The following RGL1 variants were observed in gnomAD, a reference collection of about 807,000 sequenced individuals.
RGL1 encodes the protein ral guanine nucleotide dissociation stimulator like 1.
A neutral mutation model predicts 95.2 loss-of-function variants in RGL1; 24 were observed. The ratio of observed to expected loss-of-function variants is 0.25; its 90% CI spans 0.18 to 0.35. The LOEUF (loss-of-function observed/expected upper bound fraction) is 0.35. RGL1 is among the 10% of genes least tolerant of loss of function. The pLI, the probability that RGL1 is intolerant of heterozygous loss-of-function variation, is 1.00. For synonymous variants in RGL1, 329 were observed against 344.9 expected, an observed-to-expected ratio of 0.95 and a Z score of 0.51; for missense variants, 715 against 936.3, an observed-to-expected ratio of 0.76 and a Z score of 3.08.
Position 183,916,489 on chromosome 1 carries a change from G to C in RGL1, c.1792G>C (p.Asp598His). The change falls in exon 16 of 18, where the codon GAC becomes CAC. Residue 598 changes from aspartate (D) to histidine (H), a missense_variant. By Grantham distance (81) the Asp-to-His change is moderately conservative. Coordinates refer to ENST00000360851, the MANE Select transcript of RGL1 (RefSeq NM_001297671.3). ...ATCCTGTTCTTCTATCCATTCCATG[G>C]ACACAAATTCCTCAGGGATGTCTTC... ...SSSCSSIHSMDTNSSGMSSLI... is the reference protein window; with the variant it reads ...SSSCSSIHSMHTNSSGMSSLI... 1 of 1,613,564 alleles carries C rather than the reference G, an allele frequency of 6.2e-7. No homozygotes were observed. The highest frequency in any genetic ancestry group is 8.5e-7 in the Non-Finnish European group (1 of 1,179,990).
At chr1:183,893,062 C>T (rs1315921035) in intron 9 of RGL1, among the ~76,000 whole-genome samples, 1 of 152,148 alleles carries the variant, frequency 6.6e-6, no homozygotes, top group African/African-American at 2.4e-5. Context: ...TTCTTCTGAC[C>T]TTTTTGGAGT....
At chr1:183,804,636 G>A (rs1661168486), upstream of RGL1, among the ~76,000 whole-genome samples, 1 of 152,212 alleles carries the variant, frequency 6.6e-6, no homozygotes. Flanking sequence ...GCGATTTCCT[G>A]TTGGCAGTGT....
chr1:183,750,160 A>T (rs545553513), intron 2 of RGL1, among the ~76,000 whole-genome samples: 120 of 152,328 alleles, frequency 7.9e-4, no homozygotes, highest in Non-Finnish European at 1.6e-3. Context: ...GTGTTTTCCA[A>T]CTTGGTTCCA....
At chr1:183,648,423 A>C (rs1425412117) in intron 1 of RGL1, 1 of 1,614,244 alleles carries the variant, frequency 6.2e-7, no homozygotes, top group Non-Finnish European at 8.5e-7. Context: ...GTTGGAATAC[A>C]GAATGATATG....
intron 1 of RGL1, among the ~76,000 whole-genome samples, chr1:183,643,791 A>G (rs1273614095): frequency 6.6e-6 from 1 of 152,098 alleles, no homozygotes; most frequent in Non-Finnish European, 1.5e-5. Flanking sequence ...TTGCCTGATG[A>G]TATATTAATT....
At chr1:183,923,714 G>A (rs1300549593) in intron 17 of RGL1, among the ~76,000 whole-genome samples, 1 of 152,280 alleles carries the variant, frequency 6.6e-6, no homozygotes, top group Non-Finnish European at 1.5e-5. Context: ...TGAACATGGG[G>A]AGACACTAAG....
At chr1:183,717,736 G>A (rs1012097450) in intron 1 of RGL1, among the ~76,000 whole-genome samples, 7 of 152,302 alleles carry the variant, frequency 4.6e-5, no homozygotes, top group Middle Eastern at 3.4e-3. Flanking sequence ...AGTGGAGGAG[G>A]CATAAACAAG....
At chr1:183,909,378 G>T (rs767591131) in intron 14 of RGL1, among the ~76,000 whole-genome samples, 1 of 152,148 alleles carries the variant, frequency 6.6e-6, no homozygotes, top group Non-Finnish European at 1.5e-5. Context: ...CCTTCACAAC[G>T]CAGGACAAAG....
chr1:183,737,674 C>A (rs902974998), intron 1 of RGL1, among the ~76,000 whole-genome samples: 1 of 151,832 alleles, frequency 6.6e-6, no homozygotes, highest in African/African-American at 2.4e-5. Flanking sequence ...TCCCACCTGT[C>A]TTCCCTGTTT....
chr1:183,800,356 T>C (rs577112199), upstream of RGL1, among the ~76,000 whole-genome samples: 4 of 152,340 alleles, frequency 2.6e-5, no homozygotes, highest in Non-Finnish European at 1.5e-5. Flanking sequence ...CATTTGCTCT[T>C]TATCTATTGG....
chr1:183,829,041 G>T (rs1377311436), intron 2 of RGL1, among the ~76,000 whole-genome samples: 1 of 152,150 alleles, frequency 6.6e-6, no homozygotes, highest in African/African-American at 2.4e-5. Flanking sequence ...ATCAATGCTT[G>T]TTATAATAAC....
chr1:183,638,949 T>C (rs991358069), intron 1 of RGL1, among the ~76,000 whole-genome samples: 3 of 152,210 alleles, frequency 2.0e-5, no homozygotes, highest in Non-Finnish European at 2.9e-5. Flanking sequence ...TGTGCTTCTC[T>C]TCTCCAAACT....
intron 3 of RGL1, among the ~76,000 whole-genome samples, chr1:183,854,824 A>G (rs55684278): frequency 0.022 from 3,337 of 152,254 alleles, 138 homozygotes; most frequent in African/African-American, 0.077. Context: ...CTCATCTATA[A>G]AATAACAAAA....
intron 1 of RGL1, among the ~76,000 whole-genome samples, chr1:183,716,966 G>A (rs929575873): frequency 6.6e-6 from 1 of 152,136 alleles, no homozygotes; most frequent in African/African-American, 2.4e-5. Context: ...GGGCTCTTTT[G>A]ATCCTGTACT....
intron 2 of RGL1, among the ~76,000 whole-genome samples, chr1:183,748,650 C>A (rs1325568065): frequency 1.3e-5 from 2 of 152,082 alleles, no homozygotes; most frequent in African/African-American, 4.8e-5. Context: ...TCGTGATCTG[C>A]CTGCCTCGGC....
intron 2 of RGL1, among the ~76,000 whole-genome samples, chr1:183,782,273 G>A (rs1464274579): frequency 6.6e-6 from 1 of 152,142 alleles, no homozygotes; most frequent in Non-Finnish European, 1.5e-5. Context: ...GGTATTTTGA[G>A]AGGTTATTGC....
intron 15 of RGL1, among the ~76,000 whole-genome samples, chr1:183,913,388 G>A (rs1203387563): frequency 6.6e-6 from 1 of 151,814 alleles, no homozygotes; most frequent in African/African-American, 2.4e-5. Context: ...TAGAGATGGA[G>A]TTTCACCATG....
intron 1 of RGL1, among the ~76,000 whole-genome samples, chr1:183,680,595 T>C (rs1159060123): frequency 6.6e-6 from 1 of 152,200 alleles, no homozygotes; most frequent in Non-Finnish European, 1.5e-5. Flanking sequence ...TAGTACACTT[T>C]GAAGTCAGGT....
intron 2 of RGL1, among the ~76,000 whole-genome samples, chr1:183,809,642 A>G (rs1011086989): frequency 6.6e-6 from 1 of 152,186 alleles, no homozygotes. Flanking sequence ...GGATTGGAAG[A>G]GACATTAAAG....
Sources: gnomAD v4.1 joint callset for allele counts (sites outside exome capture counted in the v4.1 genomes callset) on GRCh38, gnomAD v4.1.1 for gene constraint, MANE v1.5 for transcripts, NCBI Gene and HGNC (gene_info 2026-07-23, HGNC 2026-07-21) for gene names.